The following CLNK variants were observed in gnomAD, a reference collection of about 807,000 sequenced individuals.
CLNK encodes cytokine-dependent hematopoietic cell linker.
A neutral mutation model predicts 68.6 loss-of-function variants in CLNK; 74 were observed. That is an observed-to-expected ratio of 1.08 (90% confidence interval 0.89 to 1.31). The LOEUF (loss-of-function observed/expected upper bound fraction) is 1.31. Among genes scored for constraint, CLNK ranks in the 50% most tolerant of loss-of-function variants. The probability of loss-of-function intolerance (pLI) is 0.00; values close to 1 mark genes in which losing one functional copy is unlikely to be tolerated. For missense variants in CLNK, 553 were observed against 515.3 expected (o/e 1.07, Z -0.71); for synonymous variants, 198 against 172.2 (o/e 1.15, Z -1.17).
chr4:10,668,146 C>T (rs557007116), intron 1 of CLNK, among the ~76,000 whole-genome samples: 4 of 152,156 alleles, frequency 2.6e-5, no homozygotes, highest in Non-Finnish European at 4.4e-5. Context: ...CATCTGCCCC[C>T]GGGAGCTGAG....
At chr4:10,584,629 A>G (rs547978149) in intron 4 of CLNK, among the ~76,000 whole-genome samples, 1 of 152,270 alleles carries the variant, frequency 6.6e-6, no homozygotes, top group East Asian at 1.9e-4. Context: ...ACTGAGGTAG[A>G]CTTATACCCA....
intron 2 of CLNK, among the ~76,000 whole-genome samples, chr4:10,655,334 C>CAGAGAGAG (rs148877353): frequency 0.041 from 5,511 of 135,092 alleles, 190 homozygotes; most frequent in African/African-American, 0.074. Flanking sequence ...CCCCCAAAGA[C>CAGAGAGAG]AGAGAGAGAG....
intron 7 of CLNK, among the ~76,000 whole-genome samples, chr4:10,561,360 C>T (rs1456585242): frequency 2.0e-5 from 3 of 151,872 alleles, no homozygotes; most frequent in Non-Finnish European, 2.9e-5. Context: ...GTGATCTAGC[C>T]AAAGGAAGAA....
intron 2 of CLNK, among the ~76,000 whole-genome samples, chr4:10,662,922 C>A (rs1269262431): frequency 6.6e-6 from 1 of 152,226 alleles, no homozygotes; most frequent in Non-Finnish European, 1.5e-5. Flanking sequence ...AAAGTGGACA[C>A]TCTGGAGACC....
chr4:10,621,049 G>T (rs1465806128), intron 2 of CLNK, among the ~76,000 whole-genome samples: 6 of 152,134 alleles, frequency 3.9e-5, no homozygotes, highest in African/African-American at 1.2e-4. Context: ...GACAGAGCTT[G>T]CAGTGAGCCG....
At chr4:10,697,987 G>A in the CLNK span, among the ~76,000 whole-genome samples, 1 of 152,200 alleles carries the variant, frequency 6.6e-6, no homozygotes, top group Non-Finnish European at 1.5e-5. Flanking sequence ...CAGGATATAT[G>A]TCTATGGAAG....
chr4:10,548,454 G>T (rs1260698628), intron 8 of CLNK, among the ~76,000 whole-genome samples: 1 of 152,120 alleles, frequency 6.6e-6, no homozygotes, highest in African/African-American at 2.4e-5. Flanking sequence ...TTTGTAGTTT[G>T]CCTTTCTACT....
chr4:10,507,830 T>G, intron 17 of CLNK, 129 bp downstream of exon 17: 3 of 702,732 alleles, frequency 4.3e-6, no homozygotes, highest in Non-Finnish European at 7.2e-6. Context: ...CTCCCAGCAC[T>G]GAGAAATGCA....
rs183020001 is a variant in CLNK at position 10,559,140 on chromosome 4, G to A, written c.400-688C>T. Among the ~76,000 whole-genome samples, 385 of 152,272 alleles carry A rather than the reference G, an allele frequency of 2.5e-3. 2 individuals are homozygous for A. The highest frequency in any genetic ancestry group is 2.5e-3 in the Admixed American group (39 of 15,310). On this transcript the variant is annotated intron_variant, in intron 7 of 18. Transcript: ENST00000226951. ...GGGTACACAACTGGAAGACATAAAG[G>A]TGAAGAAGATGAAGATCATAAAGGG...
chr4:10,724,778 A>C, the CLNK span, among the ~76,000 whole-genome samples: 2 of 152,324 alleles, frequency 1.3e-5, no homozygotes, highest in South Asian at 4.1e-4. Context: ...CCTGGGGCTC[A>C]TGTTGTCCCA....
intron 11 of CLNK, among the ~76,000 whole-genome samples, chr4:10,538,856 A>T (rs184939978): frequency 2.0e-5 from 3 of 152,346 alleles, no homozygotes; most frequent in Non-Finnish European, 4.4e-5. Flanking sequence ...GGCCCAAGGT[A>T]ATAAAAGTGC....
chr4:10,552,031 AT>A (rs1440437204), intron 8 of CLNK, among the ~76,000 whole-genome samples: 1 of 151,610 alleles, frequency 6.6e-6, no homozygotes, highest in Non-Finnish European at 1.5e-5. Flanking sequence ...GTGCTTTTTT[AT>A]TTTTTAGTAG....
At chr4:10,521,111 A>G (rs1393442690) in intron 14 of CLNK, among the ~76,000 whole-genome samples, 1 of 152,178 alleles carries the variant, frequency 6.6e-6, no homozygotes, top group Non-Finnish European at 1.5e-5. Flanking sequence ...TACTTTTTGA[A>G]GCCATGAGTT....
intron 2 of CLNK, among the ~76,000 whole-genome samples, chr4:10,651,275 A>C (rs561350820): frequency 5.9e-5 from 9 of 152,364 alleles, no homozygotes; most frequent in African/African-American, 2.2e-4. Context: ...ACTATTCACA[A>C]TACCAAAGAC....
the CLNK span, among the ~76,000 whole-genome samples, chr4:10,728,304 A>G: frequency 6.6e-6 from 1 of 152,218 alleles, no homozygotes; most frequent in Admixed American, 6.5e-5. Flanking sequence ...AGAATACACA[A>G]ATACCATGAG....
chr4:10,494,046 T>C (rs1006469704), intron 18 of CLNK, among the ~76,000 whole-genome samples: 1 of 152,202 alleles, frequency 6.6e-6, no homozygotes, highest in Non-Finnish European at 1.5e-5. Context: ...GAGAGAGCAA[T>C]GCAATCACCA....
the CLNK span, among the ~76,000 whole-genome samples, chr4:10,714,498 T>C: frequency 6.6e-6 from 1 of 152,210 alleles, no homozygotes; most frequent in Non-Finnish European, 1.5e-5. Context: ...GGAGAATCAT[T>C]TGGAACATAC....
At chr4:10,529,758 A>G (rs1048248554) in intron 12 of CLNK, among the ~76,000 whole-genome samples, 1 of 152,162 alleles carries the variant, frequency 6.6e-6, no homozygotes, top group Non-Finnish European at 1.5e-5. Context: ...GGAGAGGAAG[A>G]GGAGATGAGA....
At chr4:10,658,407 A>G (rs1014087745) in intron 2 of CLNK, among the ~76,000 whole-genome samples, 3 of 152,178 alleles carry the variant, frequency 2.0e-5, no homozygotes, top group Non-Finnish European at 2.9e-5. Context: ...GCTGCCTAAC[A>G]CACCACTCCA....
Sources: gnomAD v4.1 joint callset for allele counts (sites outside exome capture counted in the v4.1 genomes callset) on GRCh38, gnomAD v4.1.1 for gene constraint, MANE v1.5 for transcripts, NCBI Gene and HGNC (gene_info 2026-07-23, HGNC 2026-07-21) for gene names.